Variants in CUX2 observed in about 807,000 individuals in gnomAD.
The protein encoded by CUX2 is cut like homeobox 2.
In CUX2, 40 loss-of-function variants were observed where a neutral mutation model predicts 144.8. The observed-to-expected ratio is 0.28, with a 90% confidence interval of 0.21 to 0.36. The LOEUF is 0.36. Ranked by LOEUF, CUX2 falls within the 10% of genes least tolerant of loss-of-function variation. CUX2 has a pLI of 1.00. For missense variants in CUX2, 1,615 were observed against 1,994.0 expected (o/e 0.81, Z 3.62); for synonymous variants, 827 against 875.6 (o/e 0.94, Z 0.98).
chr12:111,220,743 C>CAAAAAAAAAAAAAAAAAAA (rs549438290), intron 3 of CUX2, among the ~76,000 whole-genome samples: 1 of 39,106 alleles, frequency 2.6e-5, no homozygotes, highest in African/African-American at 1.1e-4. Flanking sequence ...CTCATCTCTG[C>CAAAAAAAAAAAAAAAAAAA]AAAAAAAAAA....
chr12:111,175,833 T>C (rs1406796964), intron 1 of CUX2, among the ~76,000 whole-genome samples: 2 of 151,812 alleles, frequency 1.3e-5, no homozygotes, highest in Non-Finnish European at 2.9e-5. Flanking sequence ...AGCGGGGATC[T>C]GGGCAGCTTA....
intron 1 of CUX2, among the ~76,000 whole-genome samples, chr12:111,120,649 TAAGG>T (rs1467402989): frequency 7.6e-6 from 1 of 130,890 alleles, no homozygotes; most frequent in Non-Finnish European, 1.6e-5. Context: ...ACCTGCTGAA[TAAGG>T]AAGGGAGTAA....
chr12:111,167,800 T>C (rs1174182180), intron 1 of CUX2, among the ~76,000 whole-genome samples: 1 of 152,174 alleles, frequency 6.6e-6, no homozygotes, highest in Non-Finnish European at 1.5e-5. Context: ...GTTCAAGTGA[T>C]TCTCATGCCT....
chr12:111,256,825 G>C (rs902589477), intron 3 of CUX2, among the ~76,000 whole-genome samples: 3 of 152,144 alleles, frequency 2.0e-5, no homozygotes, highest in Non-Finnish European at 4.4e-5. Context: ...GTGCTTGGGG[G>C]AAGGCGGGGA....
chr12:111,116,119 G>C (rs1210474053), intron 1 of CUX2, among the ~76,000 whole-genome samples: 1 of 152,134 alleles, frequency 6.6e-6, no homozygotes, highest in East Asian at 1.9e-4. Context: ...CTATTCATTT[G>C]ACAGGTAGAT....
At chr12:111,194,548 C>T in intron 1 of CUX2, among the ~76,000 whole-genome samples, 1 of 152,196 alleles carries the variant, frequency 6.6e-6, no homozygotes, top group East Asian at 1.9e-4. Context: ...GCCCACAGTT[C>T]CATGCAGCAC....
At chr12:111,232,204 GA>G (rs34337617) in intron 3 of CUX2, among the ~76,000 whole-genome samples, 1 of 130,380 alleles carries the variant, frequency 7.7e-6, no homozygotes, top group African/African-American at 3.3e-5. Context: ...GACTCCATCT[GA>G]AAAAAAAATA....
Position 111,037,224 on chromosome 12 carries a change from T to C in CUX2, c.63+2984T>C, listed in dbSNP as rs1370182971. Among the ~76,000 whole-genome samples the C allele has an allele frequency of 6.6e-6, 1 of 152,144 alleles. No individual in the cohort carries two copies. Among genetic ancestry groups the C allele is most frequent in the Admixed American group, 6.5e-5 (1 of 15,270 alleles). On this transcript the variant is annotated intron_variant, in intron 1 of 21. Coordinates refer to ENST00000261726, the MANE Select transcript of CUX2 (RefSeq NM_015267.4). The surrounding 1 kb of genome is among the most constrained non-coding windows in gnomAD (Gnocchi z 5.4). ...GAGGTGCGTGGCTTTCATTCCTGGC[T>C]GTTCAGGTTGAATGGTTTCTCGCAG...
intron 4 of CUX2, among the ~76,000 whole-genome samples, chr12:111,283,194 G>A (rs572716239): frequency 5.3e-5 from 8 of 151,946 alleles, no homozygotes; most frequent in African/African-American, 1.7e-4. Flanking sequence ...CTCCAGCCTG[G>A]GTGATGGAGT....
At chr12:111,095,023 T>C (rs926714775) in intron 1 of CUX2, among the ~76,000 whole-genome samples, 1 of 152,106 alleles carries the variant, frequency 6.6e-6, no homozygotes, top group African/African-American at 2.4e-5. Context: ...AGTGTCTGTC[T>C]CCTCCTATTT....
chr12:111,086,313 C>T (rs933355968), intron 1 of CUX2, among the ~76,000 whole-genome samples: 13 of 152,182 alleles, frequency 8.5e-5, no homozygotes, highest in African/African-American at 2.7e-4. Context: ...AGTTCACAGG[C>T]AACTGGAACT....
chr12:111,150,624 G>C (rs1432210219), intron 1 of CUX2, among the ~76,000 whole-genome samples: 1 of 152,150 alleles, frequency 6.6e-6, no homozygotes, highest in Non-Finnish European at 1.5e-5. Flanking sequence ...TCTTACTTCT[G>C]CCCCGGGCAG....
intron 1 of CUX2, among the ~76,000 whole-genome samples, chr12:111,147,834 C>A (rs902874357): frequency 2.0e-5 from 3 of 152,190 alleles, no homozygotes; most frequent in Non-Finnish European, 4.4e-5. Context: ...TCCAGCAGGT[C>A]TCAGCAAACG....
chr12:111,086,430 T>C, intron 1 of CUX2, among the ~76,000 whole-genome samples: 1 of 152,210 alleles, frequency 6.6e-6, no homozygotes, highest in Non-Finnish European at 1.5e-5. Context: ...AACATAATGA[T>C]TGAGGTGATC....
At chr12:111,299,217 G>A (rs893664104) in intron 9 of CUX2, among the ~76,000 whole-genome samples, 14 of 152,376 alleles carry the variant, frequency 9.2e-5, no homozygotes, top group Middle Eastern at 6.8e-3. Flanking sequence ...GGGAGAAGAT[G>A]CCCACCCGCC....
intron 1 of CUX2, among the ~76,000 whole-genome samples, chr12:111,131,662 C>T (rs1875488693): frequency 6.6e-6 from 1 of 152,176 alleles, no homozygotes; most frequent in Admixed American, 6.5e-5. Flanking sequence ...GAGAAATTGG[C>T]CAAAACAAAG....
At chr12:111,114,570 G>T (rs142135496) in intron 1 of CUX2, among the ~76,000 whole-genome samples, 82 of 152,264 alleles carry the variant, frequency 5.4e-4, no homozygotes, top group South Asian at 1.2e-3. Context: ...GAAAGTGCAG[G>T]TAAAGATGCT....
intron 3 of CUX2, among the ~76,000 whole-genome samples, chr12:111,256,385 T>C (rs1013496237): frequency 6.6e-6 from 1 of 152,168 alleles, no homozygotes; most frequent in African/African-American, 2.4e-5. Context: ...TGCCTTTCCA[T>C]TGCCCGAGTT....
intron 1 of CUX2, among the ~76,000 whole-genome samples, chr12:111,062,068 A>C (rs1206568301): frequency 4.6e-5 from 7 of 152,248 alleles, no homozygotes; most frequent in Non-Finnish European, 4.4e-5. Flanking sequence ...GCACGGAGTA[A>C]GTGCCCAATC....
Sources: allele counts gnomAD v4.1 joint callset (sites outside exome capture counted in the v4.1 genomes callset), GRCh38; gene constraint gnomAD v4.1.1; non-coding constraint Gnocchi (gnomAD v3.1); transcripts MANE v1.5; gene names NCBI Gene and HGNC (gene_info 2026-07-23, HGNC 2026-07-21).